SLC13A1: variants seen among roughly 807,000 people sequenced by gnomAD.
SLC13A1 encodes the protein solute carrier family 13 member 1.
SLC13A1 carries 65 observed loss-of-function variants against 70.0 expected under a neutral mutation model. That is an observed-to-expected ratio of 0.93 (90% CI 0.76 to 1.14). SLC13A1 has a LOEUF of 1.14. Ranked by LOEUF, SLC13A1 falls within the 50% of genes most tolerant of loss-of-function variation. The pLI, the probability that SLC13A1 is intolerant of heterozygous loss-of-function variation, is 0.00. For synonymous variants in SLC13A1, 275 were observed against 250.5 expected, an observed-to-expected ratio of 1.10 and a Z score of -0.92; for missense variants, 726 against 717.8, an observed-to-expected ratio of 1.01 and a Z score of -0.13.
chr7:123,127,815 T>C (rs1406175811), intron 10 of SLC13A1, among the ~76,000 whole-genome samples: 1 of 151,386 alleles, frequency 6.6e-6, no homozygotes, highest in African/African-American at 2.4e-5. Flanking sequence ...CCTAAACAAT[T>C]TTGGTTTCTA....
Position 123,133,424 on chromosome 7 carries a change from A to G in SLC13A1, c.932+986T>C, listed in dbSNP as rs1392229752. Reference sequence around the variant, plus strand: ...ACCAAGTGGAGGGGCAAACCTTAAAATTCCCCTTTAACAAGTTGGACATCA... The same window carrying G: ...ACCAAGTGGAGGGGCAAACCTTAAAGTTCCCCTTTAACAAGTTGGACATCA... On this transcript the variant is annotated intron_variant, in intron 8 of 14. Transcript: ENST00000194130. Among the ~76,000 whole-genome samples the G allele has an allele frequency of 9.1e-3, 1,391 of 152,294 alleles. 16 individuals carry two copies. The highest frequency in any genetic ancestry group is 0.032 in the African/African-American group (1,319 of 41,566).
At chr7:123,138,615 C>T (rs559618585) in intron 7 of SLC13A1, among the ~76,000 whole-genome samples, 4 of 152,116 alleles carry the variant, frequency 2.6e-5, no homozygotes, top group South Asian at 4.2e-4. Context: ...AGCCATTTTA[C>T]CTGGGGTGAG....
intron 7 of SLC13A1, among the ~76,000 whole-genome samples, chr7:123,141,920 A>G (rs1794164560): frequency 6.6e-6 from 1 of 152,076 alleles, no homozygotes; most frequent in African/African-American, 2.4e-5. Context: ...TAGTCCACTT[A>G]CATTCAATGT....
intron 6 of SLC13A1, among the ~76,000 whole-genome samples, chr7:123,159,134 T>C (rs1194472123): frequency 1.3e-5 from 2 of 152,062 alleles, no homozygotes; most frequent in Non-Finnish European, 2.9e-5. Flanking sequence ...ATGGTCTAAG[T>C]TAAAATATCC....
At chr7:123,172,878 CA>C (rs1187910915) in intron 2 of SLC13A1, among the ~76,000 whole-genome samples, 7 of 151,920 alleles carry the variant, frequency 4.6e-5, no homozygotes, top group African/African-American at 1.5e-4. Context: ...TAGGCCTTTG[CA>C]AAAACCTTTA....
At chr7:123,118,220 G>A (rs1311788631) in intron 13 of SLC13A1, among the ~76,000 whole-genome samples, 1 of 151,948 alleles carries the variant, frequency 6.6e-6, no homozygotes, top group Non-Finnish European at 1.5e-5. Flanking sequence ...TTTGCTTAGG[G>A]TTCATCATAT....
intron 6 of SLC13A1, among the ~76,000 whole-genome samples, chr7:123,157,760 T>C (rs1794760580): frequency 6.6e-6 from 1 of 152,300 alleles, no homozygotes; most frequent in Middle Eastern, 3.4e-3. Context: ...GCAACAATCA[T>C]TTTAAAGCTG....
intron 1 of SLC13A1, among the ~76,000 whole-genome samples, chr7:123,183,076 T>C (rs2116626194): frequency 6.6e-6 from 1 of 152,244 alleles, no homozygotes; most frequent in East Asian, 1.9e-4. Flanking sequence ...TTCATAGTAT[T>C]CAGCCAGTTG....
At chr7:123,133,040 AT>A (rs572250361) in intron 8 of SLC13A1, among the ~76,000 whole-genome samples, 102 of 146,826 alleles carry the variant, frequency 6.9e-4, no homozygotes, top group Admixed American at 3.1e-3. Context: ...ATTGGTCAAC[AT>A]TTTTTTTTTT....
intron 14 of SLC13A1, 82 bp from the exon 15 acceptor site, chr7:123,115,737 C>G (rs1186925786): frequency 7.2e-7 from 1 of 1,386,016 alleles, no homozygotes; most frequent in African/African-American, 1.4e-5. Context: ...GATGTATATG[C>G]CAAATTTACA....
At chr7:123,152,689 T>G (rs556920690) in intron 6 of SLC13A1, among the ~76,000 whole-genome samples, 10 of 152,126 alleles carry the variant, frequency 6.6e-5, no homozygotes, top group Non-Finnish European at 8.8e-5. Flanking sequence ...ACTTTCTAAT[T>G]AACTTTAAGG....
rs752721811 is a variant in SLC13A1, at chr7:123,119,075, A to G, written c.1512+6T>C. The G allele has an allele frequency of 6.2e-7, 1 of 1,609,492 alleles. No homozygotes were observed. Among genetic ancestry groups the G allele is most frequent in the South Asian group, 1.1e-5 (1 of 90,796 alleles). On this transcript the variant is annotated splice_donor_region_variant and intron_variant, in intron 13 of 14. Transcript: ENST00000194130. ...AGAGTAAAAAGGGGATAAATGAGAT[A>G]CTCACCAATGGAGATAATATTGGGA... is the stretch of plus-strand genomic sequence containing the variant.
intron 6 of SLC13A1, among the ~76,000 whole-genome samples, chr7:123,158,101 T>A (rs912790931): frequency 6.6e-6 from 1 of 151,972 alleles, no homozygotes; most frequent in African/African-American, 2.4e-5. Context: ...AAAATTTCAA[T>A]GTTTAAAAGT....
chr7:123,185,519 C>T (rs1795769942), intron 1 of SLC13A1, among the ~76,000 whole-genome samples: 2 of 152,070 alleles, frequency 1.3e-5, no homozygotes, highest in African/African-American at 4.8e-5. Context: ...GTTTCACTAA[C>T]ACCATTTATT....
At chr7:123,176,486 C>A (rs189906638) in intron 2 of SLC13A1, among the ~76,000 whole-genome samples, 3 of 152,236 alleles carry the variant, frequency 2.0e-5, no homozygotes, top group Admixed American at 6.5e-5. Flanking sequence ...AAAGCATGGG[C>A]TTTTGCAATC....
At chr7:123,156,493 G>A (rs1357965745) in intron 6 of SLC13A1, among the ~76,000 whole-genome samples, 1 of 152,124 alleles carries the variant, frequency 6.6e-6, no homozygotes, top group Non-Finnish European at 1.5e-5. Context: ...GAACAGGAGA[G>A]TGGAAGTTCC....
intron 8 of SLC13A1, among the ~76,000 whole-genome samples, chr7:123,132,353 T>G (rs1793792671): frequency 6.6e-6 from 1 of 152,146 alleles, no homozygotes; most frequent in South Asian, 2.1e-4. Context: ...GAACCACTAC[T>G]GATTTCAGCA....
At chr7:123,192,443 C>G (rs1027311287) in intron 1 of SLC13A1, among the ~76,000 whole-genome samples, 3 of 152,080 alleles carry the variant, frequency 2.0e-5, no homozygotes, top group Non-Finnish European at 1.5e-5. Flanking sequence ...ATTATAGCCC[C>G]ACATGGAATT....
chr7:123,197,693 A>G (rs943900887), intron 1 of SLC13A1, among the ~76,000 whole-genome samples: 3 of 152,160 alleles, frequency 2.0e-5, no homozygotes, highest in Non-Finnish European at 2.9e-5. Context: ...GAGGAAAGGA[A>G]AGAGGAACCA....
Sources: allele counts gnomAD v4.1 joint callset (sites outside exome capture counted in the v4.1 genomes callset), GRCh38; gene constraint gnomAD v4.1.1; transcripts MANE v1.5; gene names NCBI Gene and HGNC (gene_info 2026-07-23, HGNC 2026-07-21).